The following SFSWAP variants were observed in gnomAD, a reference collection of about 807,000 sequenced individuals.
SFSWAP encodes splicing factor, suppressor of white-apricot homolog.
A neutral mutation model predicts 100.7 loss-of-function variants in SFSWAP; 17 were observed. The ratio of observed to expected loss-of-function variants is 0.17; its 90% CI spans 0.12 to 0.25. SFSWAP has a LOEUF of 0.25. Among genes scored for constraint, SFSWAP ranks in the 10% least tolerant of loss-of-function variants. The probability of loss-of-function intolerance (pLI) is 1.00; values close to 1 mark genes in which losing one functional copy is unlikely to be tolerated. For synonymous variants in SFSWAP, 504 were observed against 510.1 expected (o/e 0.99, Z 0.16); for missense variants, 1,005 against 1,262.6 (o/e 0.80, Z 3.09).
At chr12:131,782,472 C>A (rs563229458) in intron 14 of SFSWAP, among the ~76,000 whole-genome samples, 4 of 152,296 alleles carry the variant, frequency 2.6e-5, no homozygotes, top group Admixed American at 6.5e-5. Flanking sequence ...TAAACTGTTA[C>A]AAACGCAGCC....
intron 13 of SFSWAP, among the ~76,000 whole-genome samples, chr12:131,770,846 C>G (rs1409951163): frequency 6.6e-6 from 1 of 152,216 alleles, no homozygotes. Flanking sequence ...TAGTAACTCT[C>G]TGCCCTCCCC....
intron 6 of SFSWAP, 72 bp downstream of exon 6, chr12:131,727,124 T>G: frequency 1.2e-6 from 1 of 825,878 alleles, no homozygotes; most frequent in East Asian, 2.5e-5. Context: ...TTGGAAAATT[T>G]GAAGCATGTC....
At chr12:131,747,074 A>G (rs1881197722) in intron 7 of SFSWAP, among the ~76,000 whole-genome samples, 1 of 150,872 alleles carries the variant, frequency 6.6e-6, no homozygotes, top group South Asian at 2.1e-4. Flanking sequence ...ACTGCACTCC[A>G]GCCTGGGCAA....
intron 3 of SFSWAP, 110 bp downstream of exon 3, chr12:131,715,063 C>A: frequency 2.8e-6 from 3 of 1,053,434 alleles, no homozygotes; most frequent in Non-Finnish European, 4.2e-6. Context: ...ATGATAGCAC[C>A]ACTATGACCA....
At chr12:131,736,271 C>T (rs934607541) in intron 7 of SFSWAP, among the ~76,000 whole-genome samples, 1 of 152,248 alleles carries the variant, frequency 6.6e-6, no homozygotes, top group Non-Finnish European at 1.5e-5. Flanking sequence ...AAGAGCCTCA[C>T]TTTCACCCAG....
chr12:131,766,338 G>A (rs536586508), intron 13 of SFSWAP, 30 bp downstream of exon 13: 18 of 1,597,370 alleles, frequency 1.1e-5, no homozygotes, highest in Admixed American at 6.7e-5. Flanking sequence ...TGGTATCTGC[G>A]GGGCTGTGTG....
rs1878858811 is a variant in SFSWAP, at chr12:131,725,373, T to C, written c.607-32T>C. 3 of 1,555,562 alleles carry C rather than the reference T, an allele frequency of 1.9e-6. No individual in the cohort carries two copies. Among genetic ancestry groups the C allele is most frequent in the Non-Finnish European group, 2.6e-6 (3 of 1,133,040 alleles). On this transcript the variant is annotated intron_variant, in intron 4 of 17. Transcript: ENST00000261674. This position sits in a 1 kb window ranked among gnomAD's most constrained non-coding sequence, Gnocchi z 4.3. The stretch of plus-strand genomic sequence containing the variant: ...CGTGGCCGGTGGACAAGAGGACAAA[T>C]GGGTGACGTGAATATGTGTGTTTTC...
chr12:131,776,312 GCCCTCTTGCCCGCCGCACA>G (rs1884019406), intron 13 of SFSWAP, among the ~76,000 whole-genome samples: 2 of 152,060 alleles, frequency 1.3e-5, no homozygotes, highest in African/African-American at 4.8e-5. Context: ...ATTCATCCCT[GCCCTCTTGCCCGCCGCACA>G]CCCACAACCA....
intron 12 of SFSWAP, 151 bp downstream of exon 12, chr12:131,764,837 T>C: frequency 1.6e-6 from 1 of 631,230 alleles, no homozygotes; most frequent in Non-Finnish European, 2.8e-6. Flanking sequence ...GTCTGAGGTT[T>C]TGAAACGTTC....
At chr12:131,783,397 A>G (rs748464924) in intron 14 of SFSWAP, 2 of 152,174 alleles carry the variant, frequency 1.3e-5, no homozygotes, top group Non-Finnish European at 2.9e-5. Context: ...TTAGTTATCT[A>G]AATGCATCTT....
intron 13 of SFSWAP, among the ~76,000 whole-genome samples, chr12:131,770,232 G>A (rs926958837): frequency 6.6e-6 from 1 of 152,200 alleles, no homozygotes; most frequent in Non-Finnish European, 1.5e-5. Context: ...CAGCTATGTA[G>A]TTGTGAAATT....
At chr12:131,715,617 C>T (rs10794423) in intron 3 of SFSWAP, among the ~76,000 whole-genome samples, 78,498 of 152,128 alleles carry the variant, frequency 0.52, 22,102 homozygotes, top group East Asian at 0.95. Flanking sequence ...TCCACTACCA[C>T]AGCGCTGCAT....
chr12:131,779,240 T>C (rs576765321), intron 14 of SFSWAP, among the ~76,000 whole-genome samples: 1 of 148,502 alleles, frequency 6.7e-6, no homozygotes, highest in South Asian at 2.1e-4. Flanking sequence ...GGTGAGCGTG[T>C]GTGAAGAGGG....
At chr12:131,720,525 G>T (rs753339199) in intron 4 of SFSWAP, among the ~76,000 whole-genome samples, 2 of 152,132 alleles carry the variant, frequency 1.3e-5, no homozygotes, top group Non-Finnish European at 2.9e-5. Flanking sequence ...GGACATTTTC[G>T]TAACTGGATT....
At chr12:131,764,326 T>C (rs1432066676) in intron 11 of SFSWAP, 130 bp from the exon 12 acceptor site, 12 of 708,488 alleles carry the variant, frequency 1.7e-5, no homozygotes, top group Non-Finnish European at 2.7e-5. Flanking sequence ...TCCCCCACCG[T>C]AGACCCTGCA....
At chr12:131,737,047 G>C (rs1468383160) in intron 7 of SFSWAP, among the ~76,000 whole-genome samples, 1 of 152,178 alleles carries the variant, frequency 6.6e-6, no homozygotes, top group Non-Finnish European at 1.5e-5. Flanking sequence ...TCATAGTACA[G>C]TTTTAGTAGT....
intron 14 of SFSWAP, among the ~76,000 whole-genome samples, chr12:131,780,605 A>C (rs1308354704): frequency 6.6e-6 from 1 of 152,252 alleles, no homozygotes; most frequent in Non-Finnish European, 1.5e-5. Context: ...TTGAGGCTGC[A>C]GTGAGCTATG....
chr12:131,745,298 G>A (rs1020979631), intron 7 of SFSWAP, among the ~76,000 whole-genome samples: 3 of 152,114 alleles, frequency 2.0e-5, no homozygotes, highest in Non-Finnish European at 4.4e-5. Flanking sequence ...TGCCTAAAAC[G>A]AACAATTGCC....
At chr12:131,784,570 T>C (rs991922922) in intron 14 of SFSWAP, 37 of 152,252 alleles carry the variant, frequency 2.4e-4, no homozygotes, top group African/African-American at 8.9e-4. Context: ...ACGTTATGCT[T>C]GCAAGTGTTT....
Sources: allele counts gnomAD v4.1 joint callset (sites outside exome capture counted in the v4.1 genomes callset), GRCh38; gene constraint gnomAD v4.1.1; non-coding constraint Gnocchi (gnomAD v3.1); transcripts MANE v1.5; gene names NCBI Gene and HGNC (gene_info 2026-07-23, HGNC 2026-07-21).